Variants in DMD observed in about 807,000 individuals in gnomAD.
DMD encodes the protein dystrophin.
A neutral mutation model predicts 330.1 loss-of-function variants in DMD; 63 were observed. That is an observed-to-expected ratio of 0.19 (90% confidence interval 0.16 to 0.24). The LOEUF (loss-of-function observed/expected upper bound fraction) is 0.24. Ranked by LOEUF, DMD falls within the 10% of genes least tolerant of loss-of-function variation. DMD has a pLI of 1.00. For missense variants in DMD, 3,344 were observed against 2,684.1 expected (o/e 1.25, Z -5.43); for synonymous variants, 1,223 against 959.8 (o/e 1.27, Z -5.07).
intron 47 of DMD, among the ~76,000 whole-genome samples, chrX:31,890,300 G>A (rs2094225003): frequency 9.4e-6 from 1 of 105,982 alleles, no homozygotes; most frequent in African/African-American, 3.5e-5. Context: ...CTTGAGCCCA[G>A]GAGTTGGATA....
At position 32,722,511 on chromosome X, in the gene DMD, G is replaced by A. The variant is rs948229841; in HGVS notation, c.650-23218C>T. 1.3e-3 allele frequency among the ~76,000 whole-genome samples: 144 copies of A among 110,164 alleles called. 1 individual carries two copies. Among genetic ancestry groups the A allele is most frequent in the African/African-American group, 4.1e-3 (126 of 30,464 alleles). On this transcript the variant is annotated intron_variant, in intron 7 of 78. Coordinates refer to ENST00000357033, the MANE Select transcript of DMD (RefSeq NM_004006.3). ...ACTGGCATCCTGGAACCCATGTCCC[G>A]TGGATACCAAGGGACAGCTATATAT...
At chrX:31,453,003 A>G (rs1378691697) in intron 59 of DMD, among the ~76,000 whole-genome samples, 4 of 112,381 alleles carry the variant, frequency 3.6e-5, no homozygotes, top group African/African-American at 9.7e-5. Context: ...ATAGCAAGAA[A>G]ACAAATCACC....
intron 52 of DMD, among the ~76,000 whole-genome samples, chrX:31,703,211 C>G (rs1325080655): frequency 1.8e-5 from 2 of 111,877 alleles, no homozygotes; most frequent in Non-Finnish European, 1.9e-5. Flanking sequence ...AGTATTAAAA[C>G]TCTTTACCTA....
chrX:32,965,650 T>C, intron 2 of DMD, among the ~76,000 whole-genome samples: 1 of 111,193 alleles, frequency 9.0e-6, no homozygotes, highest in Non-Finnish European at 1.9e-5. Context: ...ATAATAATGG[T>C]TAGAGCTAAT....
chrX:32,121,892 A>G (rs926396928), intron 44 of DMD, among the ~76,000 whole-genome samples: 21 of 109,024 alleles, frequency 1.9e-4, no homozygotes, highest in Non-Finnish European at 9.5e-5. Flanking sequence ...GAATTCTCAG[A>G]TTTATTTGAT....
rs776773416 is a variant in DMD at position 32,536,705 on chromosome X, A to G, written c.2168+8454T>C. The stretch of plus-strand genomic sequence containing the variant: ...ATTCTGGCTCAAGCTTCTTATCTCA[A>G]TTGTGGACTGGTACTAAAAAGTTTG... On this transcript the variant is annotated intron_variant, in intron 17 of 78. Transcript: ENST00000357033. Among the ~76,000 whole-genome samples the G allele has an allele frequency of 2.7e-5, 3 of 112,071 alleles. No homozygotes were observed. In the East Asian group the frequency reaches 8.4e-4, roughly 31 times the overall value.
chrX:31,659,579 A>G (rs1347090970), intron 53 of DMD, among the ~76,000 whole-genome samples: 1 of 96,906 alleles, frequency 1.0e-5, no homozygotes, highest in Non-Finnish European at 2.0e-5. Context: ...TGGAAGTTGC[A>G]GTGAGCCAAG....
intron 54 of DMD, among the ~76,000 whole-genome samples, chrX:31,644,200 G>C (rs1456764802): frequency 8.9e-5 from 10 of 111,794 alleles, no homozygotes; most frequent in Non-Finnish European, 1.9e-5. Context: ...TGCCCTCTTA[G>C]AGCCAGTATG....
rs186183324 is a variant in DMD, at chrX:32,851,672, C to T, written c.94-1852G>A. On this transcript the variant is annotated intron_variant, in intron 2 of 78. Coordinates refer to ENST00000357033, the MANE Select transcript of DMD (RefSeq NM_004006.3). ...CTGAAGATGGTAGGAAAGACAGTTACGAATTGCCAACACCACCCCTCCCCC... is the reference window on the plus strand; with the variant it reads ...CTGAAGATGGTAGGAAAGACAGTTATGAATTGCCAACACCACCCCTCCCCC... 7.1e-5 allele frequency among the ~76,000 whole-genome samples: 8 copies of T among 112,426 alleles called. No homozygotes were observed. In the East Asian group the frequency reaches 8.5e-4, roughly 12 times the overall value.
intron 52 of DMD, among the ~76,000 whole-genome samples, chrX:31,708,896 T>G (rs1400659559): frequency 8.9e-6 from 1 of 112,323 alleles, no homozygotes; most frequent in Non-Finnish European, 1.9e-5. Context: ...GCTCTTGCTC[T>G]CTTTCTTTTG....
intron 48 of DMD, among the ~76,000 whole-genome samples, chrX:31,849,092 T>A (rs1947605): frequency 0.15 from 16,486 of 109,795 alleles, 1,145 homozygotes; most frequent in African/African-American, 0.26. Context: ...TGTACTCAAT[T>A]TCTTTAAATT....
At chrX:31,900,512 C>T (rs1428855671) in intron 47 of DMD, among the ~76,000 whole-genome samples, 3 of 111,228 alleles carry the variant, frequency 2.7e-5, no homozygotes, top group South Asian at 3.8e-4. Flanking sequence ...CAAGTGGAAC[C>T]GTAAGTCCAT....
intron 44 of DMD, among the ~76,000 whole-genome samples, chrX:32,081,657 C>T (rs112774040): frequency 0.015 from 1,615 of 111,018 alleles, 44 homozygotes; most frequent in Admixed American, 0.088. Flanking sequence ...GTGTTTGAGA[C>T]CAGCCTGACC....
chrX:32,972,650 T>G (rs747504398), intron 2 of DMD, among the ~76,000 whole-genome samples: 4 of 112,485 alleles, frequency 3.6e-5, no homozygotes, highest in African/African-American at 9.7e-5. Flanking sequence ...GCAAGAGTTT[T>G]GAGCATAGGC....
intron 47 of DMD, among the ~76,000 whole-genome samples, chrX:31,892,781 A>C (rs2094275430): frequency 8.9e-6 from 1 of 112,189 alleles, no homozygotes; most frequent in African/African-American, 3.2e-5. Context: ...CTACTGTATT[A>C]TAATCCTATT....
chrX:31,559,271 C>T (rs750822488), intron 55 of DMD, among the ~76,000 whole-genome samples: 1 of 110,819 alleles, frequency 9.0e-6, no homozygotes, highest in Non-Finnish European at 1.9e-5. Context: ...CTAGCTATTG[C>T]CTCATTTCTC....
intron 71 of DMD, 47 bp downstream of exon 71, chrX:31,177,885 C>T (rs778824763): frequency 2.2e-5 from 24 of 1,081,795 alleles, no homozygotes; most frequent in South Asian, 1.5e-4. Context: ...ACCAAGCGAG[C>T]GAATGTGTTG....
chrX:31,463,344 A>G (rs974875881), intron 59 of DMD, among the ~76,000 whole-genome samples: 33 of 112,201 alleles, frequency 2.9e-4, no homozygotes, highest in African/African-American at 1.0e-3. Flanking sequence ...TGAGAGAGAC[A>G]TTAGTATCAC....
At chrX:32,029,528 G>A (rs1031486704) in intron 44 of DMD, among the ~76,000 whole-genome samples, 3 of 111,036 alleles carry the variant, frequency 2.7e-5, no homozygotes, top group African/African-American at 6.5e-5. Flanking sequence ...TTCTTAAAAC[G>A]CGGTCCTCCT....
Sources: allele counts gnomAD v4.1 joint callset (sites outside exome capture counted in the v4.1 genomes callset), GRCh38; gene constraint gnomAD v4.1.1; transcripts MANE v1.5; gene names NCBI Gene and HGNC (gene_info 2026-07-23, HGNC 2026-07-21).